Variants in RABGEF1 observed in about 807,000 individuals in gnomAD.
The protein encoded by RABGEF1 is RAB guanine nucleotide exchange factor 1, also known as rab5 GDP/GTP exchange factor.
Under a neutral mutation model 57.3 loss-of-function variants are expected in RABGEF1, and 26 were observed. That is an observed-to-expected ratio of 0.45 (90% CI 0.33 to 0.63). RABGEF1 has a LOEUF of 0.63. Among genes scored for constraint, RABGEF1 ranks in the 20% least tolerant of loss-of-function variants. The pLI, the probability that RABGEF1 is intolerant of heterozygous loss-of-function variation, is 0.02. For missense variants in RABGEF1, 464 were observed against 607.6 expected (o/e 0.76, Z 2.48); for synonymous variants, 185 against 210.7 (o/e 0.88, Z 1.06).
the RABGEF1 span, among the ~76,000 whole-genome samples, chr7:66,674,479 C>T: frequency 3.3e-5 from 5 of 152,064 alleles, no homozygotes; most frequent in African/African-American, 9.7e-5. Context: ...TGAGCCACTG[C>T]GCCCGTCCTA....
intron 1 of RABGEF1, among the ~76,000 whole-genome samples, chr7:66,699,627 G>T (rs1203599923): frequency 6.6e-6 from 1 of 152,032 alleles, no homozygotes; most frequent in African/African-American, 2.4e-5. Context: ...GGGAAGAGGA[G>T]GTTTTGGTGA....
At chr7:66,783,611 T>TA in intron 3 of RABGEF1, 64 bp from the exon 4 acceptor site, 1 of 1,382,410 alleles carries the variant, frequency 7.2e-7, no homozygotes, top group Non-Finnish European at 9.7e-7. Flanking sequence ...GTAAGATACT[T>TA]AAAGTAATTC....
intron 2 of RABGEF1, among the ~76,000 whole-genome samples, chr7:66,772,430 C>A (rs1807369101): frequency 1.3e-5 from 2 of 151,898 alleles, no homozygotes; most frequent in South Asian, 4.1e-4. Context: ...TTGGAAATGG[C>A]ACTCATCAAG....
At chr7:66,698,068 C>T (rs1792618214) in intron 1 of RABGEF1, among the ~76,000 whole-genome samples, 1 of 152,034 alleles carries the variant, frequency 6.6e-6, no homozygotes, top group Non-Finnish European at 1.5e-5. Flanking sequence ...CGCTGCCCAC[C>T]CCAGCTCCCC....
At position 66,747,333 on chromosome 7, in the gene RABGEF1, G is replaced by A. The variant is rs77545207; in HGVS notation, c.-18+6541G>A. 5.3e-3 allele frequency among the ~76,000 whole-genome samples: 806 copies of A among 152,296 alleles called. 8 individuals are homozygous for A. The highest frequency in any genetic ancestry group is 0.018 in the African/African-American group (742 of 41,566). ...TCTCTGAAGCAGGAATGTAACAAGA[G>A]TTTTGAGGGCTCTAAATTCTCTGCT... On this transcript the variant is annotated intron_variant, in intron 1 of 8. Transcript: ENST00000284957.
At chr7:66,781,281 GAAAA>G (rs568691789) in intron 3 of RABGEF1, among the ~76,000 whole-genome samples, 1 of 149,570 alleles carries the variant, frequency 6.7e-6, no homozygotes, top group Non-Finnish European at 1.5e-5. Flanking sequence ...ATAGAAAAAA[GAAAA>G]AAAAATTAAA....
intron 1 of RABGEF1, among the ~76,000 whole-genome samples, chr7:66,696,689 CAA>C (rs71049476): frequency 7.1e-4 from 47 of 66,322 alleles, no homozygotes; most frequent in Non-Finnish European, 6.3e-4. Context: ...GACTCCGTCT[CAA>C]AAAAAAAAAA....
chr7:66,778,208 C>G (rs1022743973), intron 3 of RABGEF1, among the ~76,000 whole-genome samples: 1 of 152,058 alleles, frequency 6.6e-6, no homozygotes, highest in African/African-American at 2.4e-5. Flanking sequence ...TCCATGATAC[C>G]CTTGCTGTTG....
chr7:66,670,881 A>T, the RABGEF1 span, among the ~76,000 whole-genome samples: 3,798 of 148,410 alleles, frequency 0.026, 77 homozygotes, highest in Admixed American at 0.041. Context: ...TATTTATTTA[A>T]TACACATACG....
intron 2 of RABGEF1, among the ~76,000 whole-genome samples, chr7:66,729,548 T>A (rs1359609548): frequency 6.6e-6 from 1 of 152,032 alleles, no homozygotes; most frequent in African/African-American, 2.4e-5. Context: ...ACCTTTATCC[T>A]CACCTTCATC....
Position 66,685,770 on chromosome 7 carries a change from C to T in RABGEF1, c.-873+3512C>T, listed in dbSNP as rs114029148. 1.3e-3 allele frequency among the ~76,000 whole-genome samples: 193 copies of T among 152,288 alleles called. 1 individual carries two copies. The highest frequency in any genetic ancestry group is 4.5e-3 in the African/African-American group (188 of 41,562). ...GATGTCTACATATACAACTAAGATTCTGTTTACCTATGTCAGTCTCTGGCT... is the reference window on the plus strand; with the variant it reads ...GATGTCTACATATACAACTAAGATTTTGTTTACCTATGTCAGTCTCTGGCT... On this transcript the variant is annotated intron_variant and NMD_transcript_variant, in intron 1 of 9. Transcript: ENST00000607882.
At chr7:66,798,630 T>TG (rs1212683815) in intron 6 of RABGEF1, among the ~76,000 whole-genome samples, 12 of 152,184 alleles carry the variant, frequency 7.9e-5, no homozygotes, top group African/African-American at 1.9e-4. Flanking sequence ...ATGGTGGTCC[T>TG]GCCCGTGGCC....
At chr7:66,716,192 T>G (rs1193302008) in intron 2 of RABGEF1, among the ~76,000 whole-genome samples, 1 of 152,254 alleles carries the variant, frequency 6.6e-6, no homozygotes, top group Non-Finnish European at 1.5e-5. Context: ...GTAAATTTCC[T>G]TGCTTTGAGG....
chr7:66,779,869 G>T (rs1426007793), intron 3 of RABGEF1, among the ~76,000 whole-genome samples: 1 of 152,046 alleles, frequency 6.6e-6, no homozygotes, highest in Non-Finnish European at 1.5e-5. Context: ...CCTCCTCCCT[G>T]CATACCGAAC....
intron 4 of RABGEF1, among the ~76,000 whole-genome samples, chr7:66,793,411 CAGGT>C (rs1813189864): frequency 6.6e-6 from 1 of 152,132 alleles, no homozygotes; most frequent in South Asian, 2.1e-4. Context: ...CACATGAGGC[CAGGT>C]GTGGAATTTC....
chr7:66,808,886 T>A lies in RABGEF1; in HGVS notation c.1078T>A (p.Cys360Ser). 2.5e-6 allele frequency: 4 copies of A among 1,580,714 alleles called. No homozygotes were observed. Among genetic ancestry groups the A allele is most frequent in the Non-Finnish European group, 3.5e-6 (4 of 1,153,386 alleles). The change falls in exon 9 of 9, where the codon TGC becomes AGC. Residue 360 changes from cysteine to serine, a missense_variant and splice_region_variant. Cys to Ser is a moderately radical substitution (Grantham distance 112, BLOSUM62 -1). Coordinates refer to ENST00000284957, the MANE Select transcript of RABGEF1 (RefSeq NM_014504.3). ...CTGTATTAACGTCCTCTTCTTGTAG[T>A]GCTGTGCTGTGGCTTTCATTGAGAA... ...GEDGYYFTNLCCAVAFIEKLD... is the reference protein window; with the variant it reads ...GEDGYYFTNLSCAVAFIEKLD...
chr7:66,744,390 C>T lies in RABGEF1; in HGVS notation c.-18+3598C>T, dbSNP rs528196265. ...TCTACAAAAAAAAAAAAAAGATAGC[C>T]GGGCGCAGTGGCTCACGCCTGTAAT... is the stretch of plus-strand genomic sequence containing the variant. On this transcript the variant is annotated intron_variant, in intron 1 of 8. Coordinates refer to ENST00000284957, the MANE Select transcript of RABGEF1 (RefSeq NM_014504.3). Among the ~76,000 whole-genome samples, 14 of 151,616 alleles carry T rather than the reference C, an allele frequency of 9.2e-5. No homozygotes were observed. The East Asian group carries it at 1.7e-3, about 19-fold the overall frequency.
Position 66,744,444 on chromosome 7 carries a change from G to A in RABGEF1, c.-18+3652G>A, listed in dbSNP as rs142098517. ...AGTACTTTGGGAGGCTGAGGCAGGCGGATCACGAGGTCAGGAGATCAAGAC... is the reference window on the plus strand; with the variant it reads ...AGTACTTTGGGAGGCTGAGGCAGGCAGATCACGAGGTCAGGAGATCAAGAC... On this transcript the variant is annotated intron_variant, in intron 1 of 8. Transcript: ENST00000284957. 5.4e-3 allele frequency among the ~76,000 whole-genome samples: 815 copies of A among 151,914 alleles called. 8 individuals are homozygous for A. Among genetic ancestry groups the A allele is most frequent in the African/African-American group, 0.018 (744 of 41,416 alleles).
At chr7:66,788,657 T>C (rs996304108) in intron 4 of RABGEF1, among the ~76,000 whole-genome samples, 1 of 152,212 alleles carries the variant, frequency 6.6e-6, no homozygotes, top group African/African-American at 2.4e-5. Context: ...GCTTGTTTCA[T>C]TGTTATTTTT....
Sources: gnomAD v4.1 joint callset for allele counts (sites outside exome capture counted in the v4.1 genomes callset) on GRCh38, gnomAD v4.1.1 for gene constraint, MANE v1.5 for transcripts, NCBI Gene and HGNC (gene_info 2026-07-23, HGNC 2026-07-21) for gene names.